Variants in SYNE1 observed in about 807,000 individuals in gnomAD.
The protein encoded by SYNE1 is spectrin repeat containing nuclear envelope protein 1.
A neutral mutation model predicts 1,111.0 loss-of-function variants in SYNE1; 616 were observed. The ratio of observed to expected loss-of-function variants is 0.55; its 90% CI spans 0.52 to 0.59. SYNE1 has a LOEUF of 0.59. Ranked by LOEUF, SYNE1 falls within the 20% of genes least tolerant of loss-of-function variation. SYNE1 has a pLI of 0.00. For missense variants in SYNE1, 10,006 were observed against 10,417.0 expected, an observed-to-expected ratio of 0.96 and a Z score of 1.72; for synonymous variants, 3,855 against 3,825.8, an observed-to-expected ratio of 1.01 and a Z score of -0.28.
At position 152,316,771 on chromosome 6, in the gene SYNE1, C is replaced by G. The variant is rs927425181; in HGVS notation, c.16710+78G>C. 23 of 1,557,540 alleles carry G rather than the reference C, an allele frequency of 1.5e-5. No homozygotes were observed. In the African/African-American group the frequency reaches 2.9e-4, roughly 19 times the overall value. ...TCCAAAAATTTTACATCACAGCCCT[C>G]TAAGTGTTGTGTCAGTCTACCCAGT... On this transcript the variant is annotated intron_variant, in intron 87 of 145. Coordinates refer to ENST00000367255, the MANE Select transcript of SYNE1 (RefSeq NM_182961.4).
Position 152,435,753 on chromosome 6 carries a change from G to C in SYNE1, c.4310+188C>G, listed in dbSNP as rs998108585. 12 of 668,040 alleles carry C rather than the reference G, an allele frequency of 1.8e-5. No individual in the cohort carries two copies. In the African/African-American group the frequency reaches 1.8e-4, roughly 10 times the overall value. 41.4% of individuals were successfully genotyped at this position (668,040 alleles called of 1,614,324 possible). Reference sequence around the variant, plus strand: ...AACCCACATCCTTTATATTTTTTGGGCTCTGTTATAGATATTGGTTTCTGT... The same window carrying C: ...AACCCACATCCTTTATATTTTTTGGCCTCTGTTATAGATATTGGTTTCTGT... On this transcript the variant is annotated intron_variant, in intron 33 of 145. Transcript: ENST00000367255.
intron 50 of SYNE1, 36 bp from the exon 51 acceptor site, chr6:152,395,707 A>C: frequency 6.2e-7 from 1 of 1,609,780 alleles, no homozygotes; most frequent in Middle Eastern, 1.7e-4. Flanking sequence ...AAATTCTTAC[A>C]TGCTTGTTAT....
intron 87 of SYNE1, 36 bp downstream of exon 87, chr6:152,316,813 T>C: frequency 6.2e-7 from 1 of 1,613,190 alleles, no homozygotes; most frequent in Non-Finnish European, 8.5e-7. Context: ...AAATTGCCCT[T>C]GGTTACTTTT....
intron 110 of SYNE1, 128 bp from the exon 111 acceptor site, chr6:152,234,928 G>A (rs2083641007): frequency 9.2e-7 from 1 of 1,088,550 alleles, no homozygotes; most frequent in Non-Finnish European, 1.3e-6. Context: ...AATGCATGAG[G>A]TTGGCACTCT....
intron 72 of SYNE1, among the ~76,000 whole-genome samples, chr6:152,348,953 T>A (rs1015859835): frequency 2.0e-5 from 3 of 152,170 alleles, no homozygotes; most frequent in Non-Finnish European, 4.4e-5. Context: ...AACCACTCCA[T>A]CATGAGGCCA....
At chr6:152,524,005 T>C (rs1564630341) in intron 5 of SYNE1, among the ~76,000 whole-genome samples, 1 of 152,162 alleles carries the variant, frequency 6.6e-6, no homozygotes, top group African/African-American at 2.4e-5. Flanking sequence ...CAATGATAGT[T>C]TGACTTACTC....
At chr6:152,358,727 G>C (rs2096881607) in intron 65 of SYNE1, among the ~76,000 whole-genome samples, 190 bp from the exon 66 acceptor site, 1 of 152,108 alleles carries the variant, frequency 6.6e-6, no homozygotes, top group South Asian at 2.1e-4. Flanking sequence ...AGGAATAAAA[G>C]TGTCATTAAT....
At chr6:152,132,540 C>A (rs2056037070) in intron 143 of SYNE1, among the ~76,000 whole-genome samples, 1 of 152,200 alleles carries the variant, frequency 6.6e-6, no homozygotes, top group Admixed American at 6.5e-5. Flanking sequence ...GGGAAGACAC[C>A]TGCTGTAGAG....
intron 145 of SYNE1, chr6:152,128,979 C>G (rs1487379104): frequency 1.3e-5 from 2 of 152,208 alleles, no homozygotes; most frequent in Non-Finnish European, 2.9e-5. Context: ...TATTTATGTT[C>G]CAGTCCCACC....
In SYNE1 at chr6:152,221,470, G is replaced by A. The variant is rs141170182; in HGVS notation, c.21612C>T (p.Pro7204=). ...GTGTATTGGTAAGAGTTTCTGTCAC[G>A]GGTGGGTGACACTCTTTTAATAATT... ...TNQLLKECHP[P]VTETLTNTLK... Residue 7204 remains proline (P), a synonymous_variant, in exon 118 of 146, where the codon CCC becomes CCT. Transcript: ENST00000367255. 1.1e-4 allele frequency: 178 copies of A among 1,613,620 alleles called. No individual in the cohort carries two copies. The highest frequency in any genetic ancestry group is 2.8e-4 in the Admixed American group (17 of 59,964).
intron 46 of SYNE1, among the ~76,000 whole-genome samples, chr6:152,403,854 C>T (rs1372306331): frequency 2.0e-5 from 3 of 151,928 alleles, no homozygotes; most frequent in Non-Finnish European, 2.9e-5. Context: ...AAAAGAACTA[C>T]CCTTATTATA....
At position 152,376,778 on chromosome 6, in the gene SYNE1, A is replaced by G; in HGVS notation, c.9144T>C (p.Asn3048=). ...ACACCAATAAGGTTCATGCTCACCA[A>G]TTATACTCTTTAATCAAGCCAGAAA... is the stretch of plus-strand genomic sequence containing the variant. The part of the protein sequence containing the change: ...GKVSGLIKEY[N]CLCLQASKGC... The change falls in exon 57 of 146, where the codon AAT becomes AAC. Residue 3048 remains asparagine (N), a splice_region_variant and synonymous_variant. Transcript: ENST00000367255. 1.2e-6 allele frequency: 2 copies of G among 1,613,834 alleles called. No individual in the cohort carries two copies. Among genetic ancestry groups the G allele is most frequent in the Non-Finnish European group, 1.7e-6 (2 of 1,179,992 alleles).
intron 3 of SYNE1, among the ~76,000 whole-genome samples, chr6:152,589,036 A>C (rs1184891468): frequency 6.6e-6 from 1 of 151,374 alleles, no homozygotes; most frequent in African/African-American, 2.4e-5. Flanking sequence ...TGCAACCTCT[A>C]CCTCCCTGGT....
rs527606399 is a variant in SYNE1, at chr6:152,427,380, T to C, written c.5100+313A>G. On this transcript the variant is annotated intron_variant, in intron 38 of 145. Transcript: ENST00000367255. The stretch of plus-strand genomic sequence containing the variant: ...ATGAACTGATAGCCAACCTCTTTCA[T>C]CTATATTCCTACCCATCCTTTCCTC... Among the ~76,000 whole-genome samples the C allele has an allele frequency of 3.9e-5, 6 of 152,328 alleles. 1 individual carries two copies. The South Asian group carries it at 1.2e-3, about 32-fold the overall frequency.
At chr6:152,564,475 C>A (rs1356686356) in intron 3 of SYNE1, among the ~76,000 whole-genome samples, 1 of 152,092 alleles carries the variant, frequency 6.6e-6, no homozygotes, top group Non-Finnish European at 1.5e-5. Flanking sequence ...TGCCACCACA[C>A]CTGGCTAATT....
At chr6:152,155,167 C>T (rs2152944713) in intron 132 of SYNE1, 125 bp from the exon 133 acceptor site, 6 of 1,191,446 alleles carry the variant, frequency 5.0e-6, no homozygotes, top group Admixed American at 3.9e-5. Flanking sequence ...AAACGATAAC[C>T]ATTCCTCGAG....
chr6:152,213,689 C>T lies in SYNE1; in HGVS notation c.22417G>A (p.Val7473Ile). 6.2e-7 allele frequency: 1 copy of T among 1,614,100 alleles called. No homozygotes were observed. Among genetic ancestry groups the T allele is most frequent in the Non-Finnish European group, 8.5e-7 (1 of 1,180,012 alleles). ...EKCETWMEFL[V>I]QTEQKLAVEI... ...ACTGCTAACTTTTGTTCTGTCTGAA[C>T]TAGGAATTCCATCCATGTTTCACAT... The change falls in exon 123 of 146, where the codon GTT becomes ATT. Residue 7473 changes from valine to isoleucine, a missense_variant. Transcript: ENST00000367255.
rs769223247 is a variant in SYNE1 at position 152,224,972 on chromosome 6, CAT to C, written c.21352-310_21352-309del. ...ACATATATATGTGTATATATATATA[CAT>C]ATATGTATATATATTTTTAAGTTAT... is the stretch of plus-strand genomic sequence containing the variant. On this transcript the variant is annotated intron_variant, in intron 116 of 145. Transcript: ENST00000367255. Among the ~76,000 whole-genome samples the C allele has an allele frequency of 5.6e-5, 8 of 143,204 alleles. No homozygotes were observed. The East Asian group carries it at 1.0e-3, about 18-fold the overall frequency. The allele number at this position is 143,204 out of a possible 152,430, so 93.9% of individuals were successfully genotyped here. A position where few individuals can be genotyped will look rare whatever the true frequency, so the allele number is the denominator to read the frequency against.
intron 72 of SYNE1, among the ~76,000 whole-genome samples, chr6:152,349,546 TG>T (rs1284966877): frequency 6.6e-6 from 1 of 152,234 alleles, no homozygotes; most frequent in African/African-American, 2.4e-5. Flanking sequence ...GACTAAATTC[TG>T]AGATAAAAAT....
Sources: gnomAD v4.1 joint callset for allele counts (sites outside exome capture counted in the v4.1 genomes callset) on GRCh38, gnomAD v4.1.1 for gene constraint, MANE v1.5 for transcripts, NCBI Gene and HGNC (gene_info 2026-07-23, HGNC 2026-07-21) for gene names.